Variants in PRORP observed in about 807,000 individuals in gnomAD.
The protein encoded by PRORP is protein only RNase P catalytic subunit, also known as mitochondrial ribonuclease P catalytic subunit.
PRORP carries 51 observed loss-of-function variants against 59.4 expected under a neutral mutation model. The observed-to-expected ratio is 0.86, with a 90% CI of 0.69 to 1.08. The LOEUF is 1.08. PRORP is among the 50% of genes least tolerant of loss of function. The pLI is 0.00. For missense variants in PRORP, 646 were observed against 690.3 expected (o/e 0.94, Z 0.72); for synonymous variants, 231 against 245.6 (o/e 0.94, Z 0.55).
chr14:35,130,624 C>A (rs1360438788), intron 4 of PRORP, among the ~76,000 whole-genome samples: 1 of 151,772 alleles, frequency 6.6e-6, no homozygotes, highest in Non-Finnish European at 1.5e-5. Context: ...GCTAGGATTA[C>A]AGGTACCCTC....
rs2051272189 is a variant in PRORP at position 35,274,587 on chromosome 14, G to T, written c.*1021G>T. 1 of 152,190 alleles carries T rather than the reference G, an allele frequency of 6.6e-6. No homozygotes were observed. Among genetic ancestry groups the T allele is most frequent in the Non-Finnish European group, 1.5e-5 (1 of 68,062 alleles). The allele number at this position is 152,190 out of a possible 1,614,324, so 9.4% of individuals were successfully genotyped here. On this transcript the variant is annotated 3_prime_UTR_variant, in exon 8 of 8. Transcript: ENST00000534898. ...TGCTTGAGCCTCAGAGGTCAAGGCT[G>T]CAATGAGCCAACGTTGCACCACTGC... is the stretch of plus-strand genomic sequence containing the variant.
Position 35,139,015 on chromosome 14 carries a change from T to C in PRORP, c.1167+11404T>C, listed in dbSNP as rs939597526. On this transcript the variant is annotated intron_variant, in intron 4 of 7. Coordinates refer to ENST00000534898, the MANE Select transcript of PRORP (RefSeq NM_014672.4). ...CATGTTGGCTAGGCTGGTGTCGAAC[T>C]CCTGACCAAAAGTGATCCACCCACC... Among the ~76,000 whole-genome samples, 11 of 145,526 alleles carry C rather than the reference T, an allele frequency of 7.6e-5. 2 individuals carry two copies. Among genetic ancestry groups the C allele is most frequent in the Non-Finnish European group, 3.1e-5 (2 of 65,430 alleles).
In PRORP at chr14:35,127,609, C is replaced by G. The variant is rs2047130156; in HGVS notation, c.1165C>G (p.Gln389Glu). 6.2e-7 allele frequency: 1 copy of G among 1,613,778 alleles called. No individual in the cohort carries two copies. Among genetic ancestry groups the G allele is most frequent in the Admixed American group, 1.7e-5 (1 of 59,942 alleles). ...GGDQYRKTTP[Q>E]ELKRFENFIK... ...TGACCAGTACAGAAAGACAACACCT[C>G]AGGTGAGTCTAACAAGTTTTATTTC... is the stretch of plus-strand genomic sequence containing the variant. Residue 389 changes from glutamine to glutamate, a missense_variant and splice_region_variant, in exon 4 of 8, where the codon CAG (glutamine) becomes GAG (glutamate). Coordinates refer to ENST00000534898, the MANE Select transcript of PRORP (RefSeq NM_014672.4).
chr14:35,144,871 T>C (rs1286255705), intron 4 of PRORP, among the ~76,000 whole-genome samples: 1 of 146,120 alleles, frequency 6.8e-6, no homozygotes, highest in Non-Finnish European at 1.5e-5. Flanking sequence ...AAGTAAAGTT[T>C]ATTTCCCTCT....
intron 5 of PRORP, among the ~76,000 whole-genome samples, chr14:35,213,594 C>A (rs1407799427): frequency 6.6e-6 from 1 of 152,118 alleles, no homozygotes; most frequent in African/African-American, 2.4e-5. Context: ...GCAACTCTTC[C>A]TTTCACTTTT....
At chr14:35,170,928 CA>C (rs2048299955) in intron 4 of PRORP, among the ~76,000 whole-genome samples, 1 of 152,016 alleles carries the variant, frequency 6.6e-6, no homozygotes, top group Admixed American at 6.6e-5. Context: ...CGGCTCACCG[CA>C]ACCTCTGCCT....
In PRORP at chr14:35,244,516, G is replaced by A. The variant is rs138058827; in HGVS notation, c.1276-22211G>A. Among the ~76,000 whole-genome samples, 677 of 151,284 alleles carry A rather than the reference G, an allele frequency of 4.5e-3. 29 individuals carry two copies. The highest frequency in any genetic ancestry group is 0.04 in the Admixed American group (603 of 15,198). Reference sequence around the variant, plus strand: ...TCTTAATTTGCCTCAAAGGCACAAAGTACATTACTGAGCCTGAATGATTGG... The same window carrying A: ...TCTTAATTTGCCTCAAAGGCACAAAATACATTACTGAGCCTGAATGATTGG... On this transcript the variant is annotated intron_variant, in intron 5 of 7. Coordinates refer to ENST00000534898, the MANE Select transcript of PRORP (RefSeq NM_014672.4).
chr14:35,217,500 CAAAAAAA>C (rs1226022740), intron 5 of PRORP, among the ~76,000 whole-genome samples: 5 of 73,836 alleles, frequency 6.8e-5, no homozygotes, highest in Non-Finnish European at 1.5e-4. Flanking sequence ...GACTCTGTCT[CAAAAAAA>C]AAAAAAAAAA....
intron 5 of PRORP, among the ~76,000 whole-genome samples, chr14:35,201,898 T>A (rs992117855): frequency 6.6e-5 from 10 of 151,952 alleles, no homozygotes; most frequent in African/African-American, 2.4e-4. Flanking sequence ...CCTCAGATGA[T>A]CTGCCCACTT....
At chr14:35,211,497 GAAA>G (rs2049445108) in intron 5 of PRORP, among the ~76,000 whole-genome samples, 2 of 152,238 alleles carry the variant, frequency 1.3e-5, no homozygotes, top group South Asian at 2.1e-4. Context: ...CAGCCAAGAA[GAAA>G]TATACGTATA....
intron 4 of PRORP, among the ~76,000 whole-genome samples, chr14:35,145,139 T>G (rs2138862179): frequency 6.9e-6 from 1 of 144,208 alleles, no homozygotes; most frequent in South Asian, 2.3e-4. Flanking sequence ...ACCAGCTAAT[T>G]TTTTAATTTT....
intron 4 of PRORP, among the ~76,000 whole-genome samples, chr14:35,150,293 G>T (rs778784248): frequency 1.3e-5 from 2 of 152,176 alleles, no homozygotes; most frequent in Non-Finnish European, 2.9e-5. Context: ...GTATTGTTGT[G>T]TCTCAGGTAA....
intron 4 of PRORP, chr14:35,159,067 G>A (rs539647812): frequency 6.0e-5 from 14 of 233,784 alleles, no homozygotes; most frequent in South Asian, 5.7e-4. Context: ...TGCTGTTGAC[G>A]CTCCTCTCCT....
chr14:35,153,698 T>C (rs2047839071), intron 4 of PRORP, among the ~76,000 whole-genome samples: 1 of 152,214 alleles, frequency 6.6e-6, no homozygotes, highest in African/African-American at 2.4e-5. Context: ...TTGGATTATC[T>C]TGACTTTAAA....
intron 5 of PRORP, among the ~76,000 whole-genome samples, chr14:35,188,961 A>AAAAAAAAAAAAAGAAAGAAAG (rs1555326788): frequency 1.5e-5 from 2 of 132,774 alleles, no homozygotes; most frequent in African/African-American, 2.9e-5. Flanking sequence ...AAAAAAAAAA[A>AAAAAAAAAAAAAGAAAGAAAG]AAAGTATTGC....
intron 5 of PRORP, among the ~76,000 whole-genome samples, chr14:35,238,606 T>C (rs1325212778): frequency 2.6e-5 from 4 of 152,226 alleles, no homozygotes; most frequent in Non-Finnish European, 4.4e-5. Context: ...GGGAAAAATA[T>C]GTCAACTCTG....
chr14:35,122,101 G>C (rs921652796), upstream of PRORP: 2 of 788,834 alleles, frequency 2.5e-6, no homozygotes, highest in African/African-American at 3.5e-5. Context: ...GGAAGTCTTG[G>C]CTAAAGAGGC....
At chr14:35,193,589 A>G (rs2048936860) in intron 5 of PRORP, among the ~76,000 whole-genome samples, 1 of 151,502 alleles carries the variant, frequency 6.6e-6, no homozygotes, top group Non-Finnish European at 1.5e-5. Flanking sequence ...CCTAAGATAC[A>G]ATAAACTATG....
At chr14:35,268,355 A>C (rs887660892) in intron 6 of PRORP, among the ~76,000 whole-genome samples, 11 of 151,408 alleles carry the variant, frequency 7.3e-5, no homozygotes, top group Non-Finnish European at 1.3e-4. Context: ...AAAAAAAAAA[A>C]AAAAAAAACA....
Sources: allele counts gnomAD v4.1 joint callset (sites outside exome capture counted in the v4.1 genomes callset), GRCh38; gene constraint gnomAD v4.1.1; transcripts MANE v1.5; gene names NCBI Gene and HGNC (gene_info 2026-07-23, HGNC 2026-07-21).